Variants in ZNF407 observed in about 807,000 individuals in gnomAD.
ZNF407 encodes zinc finger protein 407.
In ZNF407, 17 loss-of-function variants were observed where a neutral mutation model predicts 131.2. That is an observed-to-expected ratio of 0.13 (90% CI 0.09 to 0.19). The LOEUF is 0.19. Among genes scored for constraint, ZNF407 ranks in the 10% least tolerant of loss-of-function variants. The pLI is 1.00. For synonymous variants in ZNF407, 1,156 were observed against 1,062.0 expected (o/e 1.09, Z -1.72); for missense variants, 2,681 against 2,830.6 (o/e 0.95, Z 1.20).
chr18:74,924,846 T>C (rs1230591181), intron 8 of ZNF407, among the ~76,000 whole-genome samples: 1 of 152,148 alleles, frequency 6.6e-6, no homozygotes, highest in Non-Finnish European at 1.5e-5. Flanking sequence ...CTTATAGTTA[T>C]GCCTTACGGC....
At chr18:74,600,693 T>G (rs762245853) in intron 1 of ZNF407, among the ~76,000 whole-genome samples, 28 of 152,092 alleles carry the variant, frequency 1.8e-4, no homozygotes, top group Non-Finnish European at 3.8e-4. Flanking sequence ...GGCAAAGAGA[T>G]AAAGAGCGGT....
Position 74,632,089 on chromosome 18 carries a change from A to G in ZNF407, c.1070A>G (p.Gln357Arg), listed in dbSNP as rs1461506886. 16 of 1,613,952 alleles carry G rather than the reference A, an allele frequency of 9.9e-6. No individual in the cohort carries two copies. The highest frequency in any genetic ancestry group is 1.1e-5 in the Non-Finnish European group (13 of 1,179,892). The stretch of plus-strand genomic sequence containing the variant: ...ATGCCTTCCAGAAATACTTTGTCAC[A>G]GGAAGTAGAGATTGTTGAAGAACAT... ...EMMPSRNTLS[Q>R]EVEIVEEHVT... Residue 357 changes from glutamine (Q) to arginine (R), a missense_variant, in exon 2 of 9, where the codon CAG becomes CGG. Gln to Arg is a conservative substitution (Grantham distance 43, BLOSUM62 1). Transcript: ENST00000299687.
At chr18:74,826,073 G>A (rs992288182) in intron 4 of ZNF407, among the ~76,000 whole-genome samples, 1 of 152,220 alleles carries the variant, frequency 6.6e-6, no homozygotes, top group Admixed American at 6.5e-5. Context: ...ATACCAAAAG[G>A]AATTTCCATG....
At chr18:74,718,413 A>T (rs919791816) in intron 3 of ZNF407, among the ~76,000 whole-genome samples, 1 of 151,982 alleles carries the variant, frequency 6.6e-6, no homozygotes, top group African/African-American at 2.4e-5. Flanking sequence ...AGTCCCAGCT[A>T]CTTGGGAGGC....
intron 3 of ZNF407, among the ~76,000 whole-genome samples, chr18:74,698,153 G>C (rs968921720): frequency 2.6e-5 from 4 of 152,124 alleles, no homozygotes; most frequent in African/African-American, 9.7e-5. Flanking sequence ...ATGCATAATG[G>C]ATATAAATCA....
chr18:74,654,156 G>A (rs1461017852), intron 3 of ZNF407, among the ~76,000 whole-genome samples: 1 of 151,754 alleles, frequency 6.6e-6, no homozygotes, highest in African/African-American at 2.4e-5. Flanking sequence ...TTAGAAATTT[G>A]TTATTGAAGG....
At chr18:74,658,415 C>G (rs1023109947) in intron 3 of ZNF407, among the ~76,000 whole-genome samples, 2 of 152,060 alleles carry the variant, frequency 1.3e-5, no homozygotes, top group Non-Finnish European at 2.9e-5. Context: ...CGCGCCTGGC[C>G]TTCGTCTTTA....
chr18:74,939,468 T>C (rs1435141423), intron 8 of ZNF407, among the ~76,000 whole-genome samples: 1 of 152,234 alleles, frequency 6.6e-6, no homozygotes, highest in Non-Finnish European at 1.5e-5. Flanking sequence ...AGGATTAATA[T>C]GTATTCCTTA....
At chr18:74,822,708 A>T (rs558812755) in intron 4 of ZNF407, among the ~76,000 whole-genome samples, 1 of 152,292 alleles carries the variant, frequency 6.6e-6, no homozygotes, top group East Asian at 1.9e-4. Flanking sequence ...TGATGCCTTC[A>T]GCTTTGTTAT....
intron 8 of ZNF407, among the ~76,000 whole-genome samples, chr18:75,011,429 T>C (rs543802447): frequency 1.3e-5 from 2 of 152,194 alleles, no homozygotes; most frequent in Non-Finnish European, 2.9e-5. Context: ...AGAGCAGACA[T>C]ACCTTAGTTG....
At chr18:74,809,149 A>G (rs1970157925) in intron 4 of ZNF407, among the ~76,000 whole-genome samples, 1 of 152,234 alleles carries the variant, frequency 6.6e-6, no homozygotes, top group South Asian at 2.1e-4. Context: ...TCCGGCATGC[A>G]TCTTCGCCAT....
At chr18:74,869,643 G>A (rs1971060048) in intron 4 of ZNF407, among the ~76,000 whole-genome samples, 1 of 152,016 alleles carries the variant, frequency 6.6e-6, no homozygotes, top group Non-Finnish European at 1.5e-5. Flanking sequence ...GTTTTTTTAG[G>A]GGCAGAAGTG....
At chr18:74,733,120 C>CT (rs955552156) in intron 3 of ZNF407, among the ~76,000 whole-genome samples, 11 of 151,080 alleles carry the variant, frequency 7.3e-5, no homozygotes, top group African/African-American at 2.4e-4. Flanking sequence ...GTCTCTTTGG[C>CT]TTTTTTTTCA....
At chr18:74,838,993 C>T (rs1230999623) in intron 4 of ZNF407, among the ~76,000 whole-genome samples, 1 of 151,822 alleles carries the variant, frequency 6.6e-6, no homozygotes, top group Non-Finnish European at 1.5e-5. Flanking sequence ...AGTAGACTGT[C>T]TGCAAAGTTG....
At chr18:74,804,584 T>C in intron 4 of ZNF407, 1 of 985,326 alleles carries the variant, frequency 1.0e-6, no homozygotes, top group Non-Finnish European at 1.2e-6. Context: ...AATGGTACTA[T>C]ACATCTAAGA....
At chr18:74,807,618 G>A (rs1970131124) in intron 4 of ZNF407, among the ~76,000 whole-genome samples, 1 of 152,156 alleles carries the variant, frequency 6.6e-6, no homozygotes, top group Admixed American at 6.5e-5. Flanking sequence ...ACATAGTAAA[G>A]TAATATTTGT....
chr18:75,049,079 C>T (rs976635192), intron 8 of ZNF407, among the ~76,000 whole-genome samples: 40 of 87,582 alleles, frequency 4.6e-4, no homozygotes, highest in Middle Eastern at 0.013. Flanking sequence ...TAACACTGGC[C>T]GGTAGTATTT....
At chr18:75,004,320 GC>G (rs1374215245) in intron 8 of ZNF407, among the ~76,000 whole-genome samples, 2 of 152,218 alleles carry the variant, frequency 1.3e-5, no homozygotes, top group African/African-American at 4.8e-5. Context: ...GGGTTCCATT[GC>G]CCACAGAGCT....
chr18:74,774,171 T>A (rs1324897444), intron 3 of ZNF407, among the ~76,000 whole-genome samples: 1 of 152,138 alleles, frequency 6.6e-6, no homozygotes, highest in Admixed American at 6.5e-5. Flanking sequence ...ATAAAGTGCT[T>A]TAGAAAGAAA....
Sources: allele counts gnomAD v4.1 joint callset (sites outside exome capture counted in the v4.1 genomes callset), GRCh38; gene constraint gnomAD v4.1.1; transcripts MANE v1.5; gene names NCBI Gene and HGNC (gene_info 2026-07-23, HGNC 2026-07-21).